Variants in DGKI observed in about 807,000 individuals in gnomAD.
The protein encoded by DGKI is DAG kinase iota.
In DGKI, 55 loss-of-function variants were observed where a neutral mutation model predicts 147.5. That is an observed-to-expected ratio of 0.37 (90% CI 0.30 to 0.47). The LOEUF is 0.47. DGKI is among the 20% of genes least tolerant of loss of function. The pLI, the probability that DGKI is intolerant of heterozygous loss-of-function variation, is 1.00. For missense variants in DGKI, 1,007 were observed against 1,323.8 expected (o/e 0.76, Z 3.71); for synonymous variants, 469 against 477.1 (o/e 0.98, Z 0.22).
intron 1 of DGKI, among the ~76,000 whole-genome samples, chr7:137,792,913 CTTCTT>C (rs974807114): frequency 2.0e-5 from 3 of 152,186 alleles, no homozygotes; most frequent in African/African-American, 7.2e-5. Context: ...ACCAAATAAA[CTTCTT>C]TTCATTTTAA....
chr7:137,582,572 G>A (rs1455814407), intron 14 of DGKI, among the ~76,000 whole-genome samples: 2 of 151,942 alleles, frequency 1.3e-5, no homozygotes, highest in East Asian at 3.9e-4. Context: ...TATTATTCAA[G>A]TTCTCATTTA....
chr7:137,665,958 A>G (rs1277368581), intron 3 of DGKI, among the ~76,000 whole-genome samples: 2 of 152,188 alleles, frequency 1.3e-5, no homozygotes, highest in Admixed American at 6.5e-5. Context: ...ATTTGGTAAG[A>G]ACCAAATTGC....
At chr7:137,586,633 T>C (rs906241486) in intron 13 of DGKI, among the ~76,000 whole-genome samples, 5 of 151,920 alleles carry the variant, frequency 3.3e-5, no homozygotes, top group Admixed American at 1.3e-4. Context: ...TAAGTACCTA[T>C]ACAGCCAAAG....
At chr7:137,459,716 C>T (rs62490461) in intron 27 of DGKI, among the ~76,000 whole-genome samples, 4,306 of 152,018 alleles carry the variant, frequency 0.028, 89 homozygotes, top group Middle Eastern at 0.041. Flanking sequence ...CCTCGTGATC[C>T]ACCCGCCTCA....
chr7:137,580,309 T>G (rs1317638231), intron 15 of DGKI, among the ~76,000 whole-genome samples: 1 of 152,078 alleles, frequency 6.6e-6, no homozygotes, highest in East Asian at 1.9e-4. Context: ...AAATCCCCCA[T>G]GTACTTCCCA....
intron 27 of DGKI, among the ~76,000 whole-genome samples, chr7:137,452,364 C>T (rs573523371): frequency 3.9e-5 from 6 of 152,206 alleles, no homozygotes; most frequent in Non-Finnish European, 7.4e-5. Context: ...CTGAAATAGC[C>T]AAGGCCCCTT....
chr7:137,656,384 T>C, intron 4 of DGKI, 82 bp downstream of exon 4: 1 of 1,445,884 alleles, frequency 6.9e-7, no homozygotes, highest in Non-Finnish European at 9.6e-7. Context: ...TTTCAAAAAG[T>C]TGGAACTGGA....
At position 137,479,575 on chromosome 7, in the gene DGKI, C is replaced by T. The variant is rs115027363; in HGVS notation, c.2373+5799G>A. Among the ~76,000 whole-genome samples, 621 of 152,276 alleles carry T rather than the reference C, an allele frequency of 4.1e-3. 5 individuals carry two copies. Among genetic ancestry groups the T allele is most frequent in the African/African-American group, 0.014 (594 of 41,550 alleles). ...ATGCACACATAATTTAATGAAGGCA[C>T]AGCAGCCCCATCACACACTAGTAAG... On this transcript the variant is annotated intron_variant, in intron 23 of 32. Coordinates refer to ENST00000614521, the MANE Select transcript of DGKI (RefSeq NM_001321708.2).
chr7:137,678,708 C>T, intron 2 of DGKI, 56 bp from the exon 3 acceptor site: 1 of 1,485,346 alleles, frequency 6.7e-7, no homozygotes, highest in South Asian at 1.1e-5. Flanking sequence ...ATAAGGAAAA[C>T]TATTTCAAAT....
In DGKI at chr7:137,638,634, G is replaced by A. The variant is rs1195501815; in HGVS notation, c.804+6838C>T. On this transcript the variant is annotated intron_variant, in intron 6 of 32. Transcript: ENST00000614521. Reference sequence around the variant, plus strand: ...TATACACACACACATATATATGTGTGTATATATGTGTATGTATATACACAC... The same window carrying A: ...TATACACACACACATATATATGTGTATATATATGTGTATGTATATACACAC... 6.2e-3 allele frequency among the ~76,000 whole-genome samples: 43 copies of A among 6,936 alleles called. 17 individuals are homozygous for A. In the African/African-American group the frequency reaches 0.076, roughly 12 times the overall value. The allele number at this position is 6,936 out of a possible 152,430, so 4.6% of individuals were successfully genotyped here.
At position 137,447,713 on chromosome 7, in the gene DGKI, C is replaced by T. The variant is rs142119835; in HGVS notation, c.2736-3611G>A. 3.3e-4 allele frequency among the ~76,000 whole-genome samples: 51 copies of T among 152,258 alleles called. 1 individual carries two copies. The East Asian group carries it at 4.8e-3, about 14-fold the overall frequency. On this transcript the variant is annotated intron_variant, in intron 27 of 32. Transcript: ENST00000614521. ...ATTTCATACATGGCGTGTGGGGCCCCGGTGAAGTACTTGCAATTTACCTTC... is the reference window on the plus strand; with the variant it reads ...ATTTCATACATGGCGTGTGGGGCCCTGGTGAAGTACTTGCAATTTACCTTC...
intron 3 of DGKI, among the ~76,000 whole-genome samples, chr7:137,657,335 G>A (rs1388952899): frequency 4.6e-5 from 7 of 152,158 alleles, no homozygotes; most frequent in South Asian, 2.1e-4. Context: ...AAGTGGTCTG[G>A]CTTCAGAGCT....
intron 20 of DGKI, among the ~76,000 whole-genome samples, chr7:137,535,243 T>C (rs1005046925): frequency 2.0e-5 from 3 of 152,130 alleles, no homozygotes; most frequent in Admixed American, 2.0e-4. Flanking sequence ...AATGGAAGAA[T>C]GAGAGAAATC....
At chr7:137,431,902 G>A (rs28367883) in intron 28 of DGKI, among the ~76,000 whole-genome samples, 51,579 of 152,108 alleles carry the variant, frequency 0.34, 9,733 homozygotes, top group East Asian at 0.65. Flanking sequence ...GTTTGGATCC[G>A]TGTCCCCACC....
At chr7:137,593,779 CCTG>C (rs1339063298) in intron 12 of DGKI, among the ~76,000 whole-genome samples, 1 of 152,114 alleles carries the variant, frequency 6.6e-6, no homozygotes, top group Non-Finnish European at 1.5e-5. Context: ...ACTAATTTCA[CCTG>C]CTTTTTACCT....
intron 28 of DGKI, among the ~76,000 whole-genome samples, chr7:137,419,757 T>C (rs1329602606): frequency 6.6e-6 from 1 of 152,222 alleles, no homozygotes. Context: ...TAAAGACCTC[T>C]GCATTTTTAT....
chr7:137,454,042 A>C (rs2128921838), intron 27 of DGKI, among the ~76,000 whole-genome samples: 1 of 152,272 alleles, frequency 6.6e-6, no homozygotes, highest in South Asian at 2.1e-4. Context: ...CAGCAGACTA[A>C]GTTCAAGAGA....
At chr7:137,798,260 T>C (rs576251213) in intron 1 of DGKI, among the ~76,000 whole-genome samples, 1 of 152,226 alleles carries the variant, frequency 6.6e-6, no homozygotes, top group East Asian at 1.9e-4. Context: ...ATTCTACCAA[T>C]CATTTAAAGA....
At chr7:137,410,078 T>C (rs1812105516) in intron 29 of DGKI, among the ~76,000 whole-genome samples, 1 of 152,128 alleles carries the variant, frequency 6.6e-6, no homozygotes, top group South Asian at 2.1e-4. Flanking sequence ...AGTAAAACCT[T>C]AAGCCCTCAG....
Sources: gnomAD v4.1 joint callset for allele counts (sites outside exome capture counted in the v4.1 genomes callset) on GRCh38, gnomAD v4.1.1 for gene constraint, MANE v1.5 for transcripts, NCBI Gene and HGNC (gene_info 2026-07-23, HGNC 2026-07-21) for gene names.